RNF17: variants seen among roughly 807,000 people sequenced by gnomAD.
RNF17 encodes the protein spermatogenesis associated 23.
RNF17 carries 31 observed loss-of-function variants against 200.5 expected under a neutral mutation model. The ratio of observed to expected loss-of-function variants is 0.15; its 90% CI spans 0.12 to 0.21. RNF17 has a LOEUF of 0.21. Among genes scored for constraint, RNF17 ranks in the 10% least tolerant of loss-of-function variants. RNF17 has a pLI of 1.00. For missense variants in RNF17, 1,628 were observed against 1,905.1 expected, an observed-to-expected ratio of 0.85 and a Z score of 2.71; for synonymous variants, 606 against 637.8, an observed-to-expected ratio of 0.95 and a Z score of 0.75.
At chr13:24,783,198 C>G (rs565835494) in intron 6 of RNF17, among the ~76,000 whole-genome samples, 1 of 152,264 alleles carries the variant, frequency 6.6e-6, no homozygotes, top group South Asian at 2.1e-4. Flanking sequence ...AAAATGAGCT[C>G]ACCATATATG....
At chr13:24,796,316 G>A in intron 11 of RNF17, 21 bp downstream of exon 11, 2 of 1,509,202 alleles carry the variant, frequency 1.3e-6, no homozygotes, top group Non-Finnish European at 1.8e-6. Flanking sequence ...ATTAGTCCAA[G>A]TTAAAATATC....
chr13:24,843,405 C>T (rs1472981291), intron 19 of RNF17, among the ~76,000 whole-genome samples: 1 of 152,036 alleles, frequency 6.6e-6, no homozygotes, highest in Non-Finnish European at 1.5e-5. Flanking sequence ...ATAATCCCAG[C>T]TACTTGGGAG....
upstream of RNF17, among the ~76,000 whole-genome samples, chr13:24,760,843 C>T (rs1878674577): frequency 6.6e-6 from 1 of 152,022 alleles, no homozygotes; most frequent in African/African-American, 2.4e-5. Flanking sequence ...AGATGACATA[C>T]AAATGGCTAA....
chr13:24,793,860 A>G (rs999607913), intron 10 of RNF17, among the ~76,000 whole-genome samples: 12 of 152,154 alleles, frequency 7.9e-5, no homozygotes, highest in Non-Finnish European at 1.8e-4. Context: ...ATGTAGTTTT[A>G]TACTAATAGT....
At chr13:24,774,786 T>G in intron 2 of RNF17, 27 bp from the exon 3 acceptor site, 1 of 1,498,890 alleles carries the variant, frequency 6.7e-7, no homozygotes, top group African/African-American at 1.4e-5. Flanking sequence ...GGTGACTTTG[T>G]TTTTTTAAAC....
chr13:24,838,797 A>G (rs1446875190), intron 18 of RNF17, among the ~76,000 whole-genome samples: 1 of 151,508 alleles, frequency 6.6e-6, no homozygotes, highest in Non-Finnish European at 1.5e-5. Flanking sequence ...CTCTTCTTCA[A>G]CATAGTAGTG....
chr13:24,808,898 A>G (rs1367202792), intron 15 of RNF17, among the ~76,000 whole-genome samples: 1 of 135,482 alleles, frequency 7.4e-6, no homozygotes, highest in East Asian at 2.2e-4. Context: ...ATCTATTGAG[A>G]TAATCATGTG....
chr13:24,877,082 G>A lies in RNF17; in HGVS notation c.4669G>A (p.Asp1557Asn), dbSNP rs1330958748. Residue 1557 changes from aspartate (D) to asparagine (N), a missense_variant, in exon 34 of 36, where the codon GAT (aspartate) becomes AAT (asparagine). Coordinates refer to ENST00000255324, the MANE Select transcript of RNF17 (RefSeq NM_031277.3). ...LLAGFKPPLR[D>N]LGETRIPYCP... ...GGCAGGGTTTAAACCTCCCTTAAGG[G>A]ATCTAGGGGAGACAAGAATACCATA... 6.2e-7 allele frequency: 1 copy of A among 1,612,626 alleles called. No homozygotes were observed. The highest frequency in any genetic ancestry group is 1.3e-5 in the African/African-American group (1 of 74,962).
At chr13:24,792,629 A>G (rs1272191129) in intron 9 of RNF17, among the ~76,000 whole-genome samples, 1 of 152,190 alleles carries the variant, frequency 6.6e-6, no homozygotes, top group Non-Finnish European at 1.5e-5. Flanking sequence ...TATCAATTTT[A>G]CTTAGTTAAA....
In RNF17 at chr13:24,840,907, T is replaced by C. The variant is rs533598966; in HGVS notation, c.2483-1134T>C. 2.8e-4 allele frequency among the ~76,000 whole-genome samples: 43 copies of C among 152,306 alleles called. 1 individual carries two copies. In the South Asian group the frequency reaches 5.2e-3, roughly 18 times the overall value. On this transcript the variant is annotated intron_variant, in intron 18 of 35. Transcript: ENST00000255324. ...ATGGAAAAAAATTTTTTAAAAACTT[T>C]TAAATGTATACTGTTATAACTCTTA...
At chr13:24,850,232 T>G (rs1162379148) in intron 22 of RNF17, 109 bp from the exon 23 acceptor site, 4 of 580,726 alleles carry the variant, frequency 6.9e-6, no homozygotes, top group African/African-American at 1.9e-5. Context: ...TTACTACATA[T>G]AGTTGGTTCA....
chr13:24,867,955 A>G (rs1893813623), intron 30 of RNF17, among the ~76,000 whole-genome samples: 1 of 152,244 alleles, frequency 6.6e-6, no homozygotes, highest in Admixed American at 6.5e-5. Context: ...CTCATTCTGC[A>G]CCTCAAACAC....
intron 15 of RNF17, among the ~76,000 whole-genome samples, chr13:24,812,514 A>C (rs1367297920): frequency 3.3e-5 from 5 of 151,548 alleles, no homozygotes; most frequent in Non-Finnish European, 5.9e-5. Flanking sequence ...CGCATGGTGC[A>C]TGCACCCACT....
the RNF17 span, among the ~76,000 whole-genome samples, chr13:24,758,873 C>T: frequency 1.3e-5 from 2 of 151,702 alleles, no homozygotes; most frequent in Non-Finnish European, 2.9e-5. Flanking sequence ...TCAGGAGATC[C>T]AAGACCATCC....
chr13:24,794,132 C>A (rs1454016716), intron 10 of RNF17: 1 of 441,888 alleles, frequency 2.3e-6, no homozygotes, highest in Non-Finnish European at 4.5e-6. Flanking sequence ...TACAAGTTGT[C>A]TTTATTTCTT....
At chr13:24,873,822 T>G (rs1894562810) in intron 32 of RNF17, among the ~76,000 whole-genome samples, 1 of 152,198 alleles carries the variant, frequency 6.6e-6, no homozygotes, top group Non-Finnish European at 1.5e-5. Context: ...ATATTTGTCT[T>G]TCTGTGCTTG....
At chr13:24,836,576 T>C (rs1370435236) in intron 18 of RNF17, among the ~76,000 whole-genome samples, 1 of 152,154 alleles carries the variant, frequency 6.6e-6, no homozygotes, top group Non-Finnish European at 1.5e-5. Context: ...CAAAACAATT[T>C]ATCAACCAAG....
intron 26 of RNF17, among the ~76,000 whole-genome samples, chr13:24,861,028 C>T (rs2138314050): frequency 6.6e-6 from 1 of 152,202 alleles, no homozygotes; most frequent in African/African-American, 2.4e-5. Flanking sequence ...CAGGCGCATA[C>T]CACCACAGAC....
upstream of RNF17, among the ~76,000 whole-genome samples, chr13:24,762,563 T>C (rs1878870279): frequency 6.6e-6 from 1 of 152,078 alleles, no homozygotes; most frequent in Non-Finnish European, 1.5e-5. Flanking sequence ...AGTAGTAGAA[T>C]GAGGGTAATT....
Sources: gnomAD v4.1 joint callset for allele counts (sites outside exome capture counted in the v4.1 genomes callset) on GRCh38, gnomAD v4.1.1 for gene constraint, MANE v1.5 for transcripts, NCBI Gene and HGNC (gene_info 2026-07-23, HGNC 2026-07-21) for gene names.